PZP: variants seen among roughly 807,000 people sequenced by gnomAD.
PZP encodes the protein PZP alpha-2-macroglobulin like, also known as pregnancy zone protein.
PZP carries 150 observed loss-of-function variants against 179.8 expected under a neutral mutation model. The ratio of observed to expected loss-of-function variants is 0.83; its 90% CI spans 0.73 to 0.96. PZP has a LOEUF of 0.96. PZP is among the 40% of genes least tolerant of loss of function. PZP has a pLI of 0.00. For missense variants in PZP, 1,689 were observed against 1,764.0 expected (o/e 0.96, Z 0.76); for synonymous variants, 624 against 652.3 (o/e 0.96, Z 0.66).
Position 9,164,275 on chromosome 12 carries a change from A to C in PZP, c.2488-16T>G, listed in dbSNP as rs746130500. On this transcript the variant is annotated splice_polypyrimidine_tract_variant and intron_variant, in intron 19 of 35. Transcript: ENST00000261336. Reference sequence around the variant, plus strand: ...GCACACTGACCTATCACCCCATGTGAGGCAGAGACAGAAATGATCAGAATA... The same window carrying C: ...GCACACTGACCTATCACCCCATGTGCGGCAGAGACAGAAATGATCAGAATA... The C allele has an allele frequency of 6.2e-7, 1 of 1,610,356 alleles. No individual in the cohort carries two copies. The highest frequency in any genetic ancestry group is 1.7e-4 in the Middle Eastern group (1 of 6,024).
At chr12:9,149,049 G>A in intron 35 of PZP, 55 bp from the exon 36 acceptor site, 1 of 1,502,066 alleles carries the variant, frequency 6.7e-7, no homozygotes, top group Non-Finnish European at 9.3e-7. Context: ...GGAGCATTCA[G>A]TTGAGTGTGG....
intron 17 of PZP, chr12:9,167,003 A>T (rs1941634865): frequency 6.6e-6 from 1 of 152,184 alleles, no homozygotes; most frequent in Admixed American, 6.5e-5. Flanking sequence ...ATTTCTAGCA[A>T]TTTCACCCTA....
the PZP span, among the ~76,000 whole-genome samples, chr12:9,139,317 T>C: frequency 6.6e-6 from 1 of 152,188 alleles, no homozygotes; most frequent in Non-Finnish European, 1.5e-5. Flanking sequence ...CTTTCTAAAT[T>C]TGTTATAACT....
intron 7 of PZP, among the ~76,000 whole-genome samples, chr12:9,198,178 A>G (rs6487666): frequency 0.56 from 83,534 of 150,504 alleles, 23,212 homozygotes; most frequent in Admixed American, 0.64. Context: ...GCAGGACCCA[A>G]TCTCTACAAG....
chr12:9,196,034 T>C (rs561650147), intron 10 of PZP, among the ~76,000 whole-genome samples: 1 of 152,112 alleles, frequency 6.6e-6, no homozygotes, highest in Non-Finnish European at 1.5e-5. Flanking sequence ...GATAGAAATA[T>C]CATTTATTCT....
At chr12:9,176,577 C>A (rs1942378454) in intron 15 of PZP, among the ~76,000 whole-genome samples, 1 of 152,192 alleles carries the variant, frequency 6.6e-6, no homozygotes, top group Admixed American at 6.5e-5. Context: ...AATGTCTATG[C>A]AGTGTACTTT....
chr12:9,205,155 CT>C (rs919689258), intron 1 of PZP, among the ~76,000 whole-genome samples: 7 of 151,974 alleles, frequency 4.6e-5, no homozygotes, highest in African/African-American at 1.7e-4. Context: ...AAAGTCTTTT[CT>C]TTTTTATTTA....
chr12:9,181,917 G>A (rs1376921762), intron 14 of PZP, 58 bp downstream of exon 14: 1 of 1,550,230 alleles, frequency 6.5e-7, no homozygotes, highest in African/African-American at 1.4e-5. Flanking sequence ...GGGTAAAATA[G>A]ATGGCACCTA....
chr12:9,180,967 G>T lies in PZP; in HGVS notation c.1839+16C>A. 6.2e-7 allele frequency: 1 copy of T among 1,608,510 alleles called. No individual in the cohort carries two copies. The highest frequency in any genetic ancestry group is 8.5e-7 in the Non-Finnish European group (1 of 1,178,156). ...GGAATGGCCCTTCCTGGTCCCCAAG[G>T]CCACTGGAAACTCACTGAGGACACA... is the stretch of plus-strand genomic sequence containing the variant. On this transcript the variant is annotated intron_variant, in intron 15 of 35. Transcript: ENST00000261336.
At chr12:9,152,133 G>T in intron 32 of PZP, 87 bp downstream of exon 32, 1 of 999,798 alleles carries the variant, frequency 1.0e-6, no homozygotes, top group Non-Finnish European at 1.6e-6. Context: ...GGATGATGTT[G>T]ACATGGTTTT....
the PZP span, among the ~76,000 whole-genome samples, chr12:9,140,277 G>A: frequency 6.6e-6 from 1 of 152,210 alleles, no homozygotes; most frequent in Non-Finnish European, 1.5e-5. Context: ...GGGGGGCCCA[G>A]GAATGGGATG....
chr12:9,203,713 A>G, intron 2 of PZP, 55 bp downstream of exon 2: 1 of 1,525,588 alleles, frequency 6.6e-7, no homozygotes, highest in Non-Finnish European at 9.1e-7. Context: ...CATGACCTAT[A>G]GAGCTCAATA....
At chr12:9,157,063 T>C in intron 28 of PZP, 112 bp downstream of exon 28, 1 of 991,872 alleles carries the variant, frequency 1.0e-6, no homozygotes, top group Non-Finnish European at 1.5e-6. Flanking sequence ...ATTAGCTATC[T>C]ATCCTGATGC....
chr12:9,176,785 G>A (rs1028251118), intron 15 of PZP, among the ~76,000 whole-genome samples: 2 of 152,192 alleles, frequency 1.3e-5, no homozygotes, highest in African/African-American at 4.8e-5. Flanking sequence ...AGTGTCAATA[G>A]TGATTATTCT....
At chr12:9,169,350 A>G in intron 16 of PZP, 80 bp downstream of exon 16, 31 of 1,298,934 alleles carry the variant, frequency 2.4e-5, no homozygotes, top group Non-Finnish European at 3.2e-5. Context: ...CATAATTACT[A>G]AGATTATGAA....
rs149966606 is a variant in PZP, at chr12:9,208,331, T to C, written c.11A>G (p.Asp4Gly). 2.0e-3 allele frequency: 3,233 copies of C among 1,613,202 alleles called. 5 individuals are homozygous for C. Among genetic ancestry groups the C allele is most frequent in the Non-Finnish European group, 2.5e-3 (2,993 of 1,179,266 alleles). ...CACAAGACATAAATGAAGAAGTCTGTCTTTCCGCATTGTGAGGGATAAATC... is the reference window on the plus strand; with the variant it reads ...CACAAGACATAAATGAAGAAGTCTGCCTTTCCGCATTGTGAGGGATAAATC... Reference protein sequence around the residue: MRKDRLLHLCLVLL... With the variant: MRKGRLLHLCLVLL... The change falls in exon 1 of 36, where the codon GAC becomes GGC. Residue 4 changes from aspartate to glycine, a missense_variant. Asp to Gly is a moderately conservative substitution (Grantham distance 94). Around this residue, in one of 3 missense-constraint regions of PZP, gnomAD observed 742 missense variants for 730.5 expected, o/e 1.02. Transcript: ENST00000261336.
At chr12:9,182,863 C>T (rs1233694494) in intron 13 of PZP, among the ~76,000 whole-genome samples, 1 of 152,110 alleles carries the variant, frequency 6.6e-6, no homozygotes, top group Non-Finnish European at 1.5e-5. Context: ...TTCTGAGATG[C>T]CTGTACATAA....
intron 15 of PZP, among the ~76,000 whole-genome samples, chr12:9,178,219 C>A (rs955316260): frequency 6.6e-6 from 1 of 152,158 alleles, no homozygotes; most frequent in Admixed American, 6.5e-5. Context: ...ACAATTCATA[C>A]GTTTTAAATT....
intron 1 of PZP, among the ~76,000 whole-genome samples, chr12:9,204,410 C>G (rs7965958): frequency 2.0e-5 from 3 of 151,978 alleles, no homozygotes; most frequent in Non-Finnish European, 4.4e-5. Context: ...GAATGAACAC[C>G]GTGACTAGAT....
Sources: gnomAD v4.1 joint callset for allele counts (sites outside exome capture counted in the v4.1 genomes callset) on GRCh38, gnomAD v4.1.1 for gene constraint, gnomAD v4.1.1 regional missense constraint, MANE v1.5 for transcripts, NCBI Gene and HGNC (gene_info 2026-07-23, HGNC 2026-07-21) for gene names.